The following APBA3 variants were observed in gnomAD, a reference collection of about 807,000 sequenced individuals.
The protein encoded by APBA3 is amyloid-beta A4 precursor protein-binding family A member 3.
Under a neutral mutation model 55.9 loss-of-function variants are expected in APBA3, and 45 were observed. The observed-to-expected ratio is 0.80, with a 90% CI of 0.63 to 1.03. The LOEUF (loss-of-function observed/expected upper bound fraction) is 1.03. Ranked by LOEUF, APBA3 falls within the 50% of genes least tolerant of loss-of-function variation. The pLI, the probability that APBA3 is intolerant of heterozygous loss-of-function variation, is 0.00. For missense variants in APBA3, 865 were observed against 820.3 expected (o/e 1.05, Z -0.67); for synonymous variants, 370 against 353.3 (o/e 1.05, Z -0.53).
intron 3 of APBA3, 118 bp from the exon 4 acceptor site, chr19:3,754,458 T>C: frequency 7.3e-7 from 1 of 1,364,098 alleles, no homozygotes; most frequent in Admixed American, 2.9e-5. Flanking sequence ...GGCTTAGCAC[T>C]CTCCAGCCAG....
At position 3,752,682 on chromosome 19, in the gene APBA3, C is replaced by T. The variant is rs781619410; in HGVS notation, c.1221G>A (p.Val407=). 1.3e-4 allele frequency: 211 copies of T among 1,593,538 alleles called. No homozygotes were observed. The highest frequency in any genetic ancestry group is 1.7e-4 in the Non-Finnish European group (201 of 1,175,130). ...LEKRRGEGLG[V]ALVESGWGSL... Reference sequence around the variant, plus strand: ...AGCCCCAGCCCGACTCCACCAGGGCCACGCCCAGGCCCTCCCCTCGCCGCT... The same window carrying T: ...AGCCCCAGCCCGACTCCACCAGGGCTACGCCCAGGCCCTCCCCTCGCCGCT... The change falls in exon 8 of 11, where the codon GTG becomes GTA. Residue 407 remains valine (V), a synonymous_variant. Coordinates refer to ENST00000316757, the MANE Select transcript of APBA3 (RefSeq NM_004886.4).
In APBA3 at chr19:3,751,068, T is replaced by C. The variant is rs141021235; in HGVS notation, c.1686A>G (p.Thr562=). 2 of 1,567,300 alleles carry C rather than the reference T, an allele frequency of 1.3e-6. No homozygotes were observed. The highest frequency in any genetic ancestry group is 1.7e-6 in the Non-Finnish European group (2 of 1,155,698). ...GCTCCTGGCCTGTAAGGAGGCGATA[T>C]GTGGCAGCTGGCATCGTCTTGATAT... ...EVHIKTMPAA[T]YRLLTGQEQP... is the part of the protein sequence containing the mutation. The change falls in exon 11 of 11, where the codon ACA becomes ACG. Residue 562 remains threonine, a synonymous_variant. Transcript: ENST00000316757.
rs1386141435 is a variant in APBA3, at chr19:3,751,387, A to C, written c.1515+47T>G. ...TGGGGGCTGCTCAGGGGCCGTGCTCAGGGCCGCCCTACCCCCCCACCCCGG... is the reference window on the plus strand; with the variant it reads ...TGGGGGCTGCTCAGGGGCCGTGCTCCGGGCCGCCCTACCCCCCCACCCCGG... On this transcript the variant is annotated intron_variant, in intron 9 of 10. Transcript: ENST00000316757. The C allele has an allele frequency of 3.3e-6, 5 of 1,513,588 alleles. No individual in the cohort carries two copies. The African/African-American group carries it at 6.9e-5, about 21-fold the overall frequency. The allele number at this position is 1,513,588 out of a possible 1,614,324, so 93.8% of individuals were successfully genotyped here. A position where few individuals can be genotyped will look rare whatever the true frequency, so the allele number is the denominator to read the frequency against.
intron 3 of APBA3, among the ~76,000 whole-genome samples, chr19:3,758,496 C>T (rs1599176462): frequency 6.6e-6 from 1 of 151,168 alleles, no homozygotes; most frequent in Non-Finnish European, 1.5e-5. Flanking sequence ...CCGGCTCAAG[C>T]GATCCTCCTG....
In APBA3 at chr19:3,753,385, G is replaced by C. The variant is rs79486145; in HGVS notation, c.1011+380C>G. 6.4e-3 allele frequency: 2,312 copies of C among 359,288 alleles called. 58 individuals are homozygous for C. The highest frequency in any genetic ancestry group is 0.044 in the African/African-American group (2,106 of 48,208). The allele number at this position is 359,288 out of a possible 1,614,324, so 22.3% of individuals were successfully genotyped here. On this transcript the variant is annotated intron_variant, in intron 6 of 10. Coordinates refer to ENST00000316757, the MANE Select transcript of APBA3 (RefSeq NM_004886.4). ...AGGCTGGACGCGGTGGCTCACGCCT[G>C]TAATTGCAGCACTTTGGGAGGCTGA... is the stretch of plus-strand genomic sequence containing the variant.
Position 3,750,970 on chromosome 19 carries a change from A to T in APBA3, c.*56T>A. ...CCTGGCCAGCCAGGGCAGGCCCAGG[A>T]TGGGGCTCCGGGGCCATGGAGGCGA... On this transcript the variant is annotated 3_prime_UTR_variant, in exon 11 of 11. Coordinates refer to ENST00000316757, the MANE Select transcript of APBA3 (RefSeq NM_004886.4). 6.6e-7 allele frequency: 1 copy of T among 1,524,904 alleles called. No homozygotes were observed. The highest frequency in any genetic ancestry group is 8.9e-7 in the Non-Finnish European group (1 of 1,122,620). 94.5% of individuals were successfully genotyped at this position (1,524,904 alleles called of 1,614,324 possible).
In APBA3 at chr19:3,751,278, C is replaced by A; in HGVS notation, c.1567G>T (p.Gly523Cys). The change falls in exon 10 of 11, where the codon GGC (glycine) becomes TGC (cysteine). Residue 523 changes from glycine to cysteine, a missense_variant. Coordinates refer to ENST00000316757, the MANE Select transcript of APBA3 (RefSeq NM_004886.4). ...CCATTGATCTCAATGATGCGGTGGC[C>A]GACGCGGATGCCCCCACGCTCGGCG... Reference protein sequence around the residue: ...GIAERGGIRVGHRIIEINGQS... With the variant: ...GIAERGGIRVCHRIIEINGQS... 1 of 1,542,734 alleles carries A rather than the reference C, an allele frequency of 6.5e-7. No individual in the cohort carries two copies. The highest frequency in any genetic ancestry group is 8.7e-7 in the Non-Finnish European group (1 of 1,147,006).
In APBA3 at chr19:3,752,731, C is replaced by T. The variant is rs1005496042; in HGVS notation, c.1183-11G>A. ...CTTCTCGAGGTGCACCTGGGACACA[C>T]AGGGGGCGCGGAGGCTGCTCAGCAG... On this transcript the variant is annotated splice_polypyrimidine_tract_variant and intron_variant, in intron 7 of 10. Coordinates refer to ENST00000316757, the MANE Select transcript of APBA3 (RefSeq NM_004886.4). The T allele has an allele frequency of 2.5e-6, 4 of 1,604,116 alleles. No homozygotes were observed. The African/African-American group carries it at 4.0e-5, about 16-fold the overall frequency.
chr19:3,754,369 C>A, intron 3 of APBA3, 29 bp from the exon 4 acceptor site: 2 of 1,540,304 alleles, frequency 1.3e-6, no homozygotes, highest in African/African-American at 1.4e-5. Flanking sequence ...AGGGTCGGCC[C>A]CCAGGGGCCC....
At chr19:3,754,423 C>T (rs1027502938) in intron 3 of APBA3, 83 bp from the exon 4 acceptor site, 15 of 1,492,124 alleles carry the variant, frequency 1.0e-5, no homozygotes, top group East Asian at 9.9e-5. Flanking sequence ...CCGAGATGGC[C>T]GGGAGACACA....
rs1360096932 is a variant in APBA3 at position 3,752,701 on chromosome 19, C to T, written c.1202G>A (p.Arg401Gln). ...NCREVHLEKR[R>Q]GEGLGVALVE... ...CAGGGCCACGCCCAGGCCCTCCCCT[C>T]GCCGCTTCTCGAGGTGCACCTGGGA... The change falls in exon 8 of 11, where the codon CGA becomes CAA. Residue 401 changes from arginine (R) to glutamine (Q), a missense_variant. By Grantham distance (43) the Arg-to-Gln change is conservative. Coordinates refer to ENST00000316757, the MANE Select transcript of APBA3 (RefSeq NM_004886.4). 4 of 1,595,792 alleles carry T rather than the reference C, an allele frequency of 2.5e-6. No individual in the cohort carries two copies. The highest frequency in any genetic ancestry group is 3.4e-6 in the Non-Finnish European group (4 of 1,175,514).
chr19:3,758,278 G>A (rs1241287735), intron 3 of APBA3, among the ~76,000 whole-genome samples: 1 of 151,872 alleles, frequency 6.6e-6, no homozygotes, highest in Non-Finnish European at 1.5e-5. Flanking sequence ...TTTTGAGACA[G>A]AGTCTCGCTC....
rs766118737 is a variant in APBA3, at chr19:3,760,069, C to G, written c.196G>C (p.Ala66Pro). ...SLQELVQQFE[A>P]LPGDLVGPSP... ...GGGCCCACCAGATCGCCTGGCAGAG[C>G]TTCAAACTGCTGCACCAGCTCCTGA... The change falls in exon 2 of 11, where the codon GCT becomes CCT. Residue 66 changes from alanine to proline, a missense_variant. Ala to Pro is a conservative substitution (Grantham distance 27). Coordinates refer to ENST00000316757, the MANE Select transcript of APBA3 (RefSeq NM_004886.4). 2 of 1,613,224 alleles carry G rather than the reference C, an allele frequency of 1.2e-6. No homozygotes were observed. Among genetic ancestry groups the G allele is most frequent in the Non-Finnish European group, 1.7e-6 (2 of 1,180,040 alleles).
In APBA3 at chr19:3,760,249, T is replaced by C; in HGVS notation, c.16A>G (p.Ile6Val). 1.2e-6 allele frequency: 2 copies of C among 1,601,452 alleles called. No individual in the cohort carries two copies. Among genetic ancestry groups the C allele is most frequent in the Non-Finnish European group, 1.7e-6 (2 of 1,178,632 alleles). ...GGAGGCCCCGAAGGGGATCGGGAAA[T>C]TGTGGGGAAGTCCATGCCTGGACTC... MDFPT[I>V]SRSPSGPPAM... The change falls in exon 2 of 11, where the codon ATT becomes GTT. Residue 6 changes from isoleucine to valine, a missense_variant. Physicochemically the swap from Ile to Val is conservative, Grantham distance 29 (BLOSUM62 3). Transcript: ENST00000316757.
At chr19:3,751,120 G>A (rs2036992655) in intron 10 of APBA3, 23 bp from the exon 11 acceptor site, 1 of 1,563,122 alleles carries the variant, frequency 6.4e-7, no homozygotes, top group East Asian at 2.4e-5. Context: ...GGCGGAACGG[G>A]GCTCAGGGCA....
intron 3 of APBA3, among the ~76,000 whole-genome samples, chr19:3,758,291 T>C (rs1025062722): frequency 1.3e-5 from 2 of 151,660 alleles, no homozygotes; most frequent in East Asian, 2.0e-4. Flanking sequence ...TCTCGCTCTG[T>C]TGCCTAGGCT....
intron 5 of APBA3, 42 bp from the exon 6 acceptor site, chr19:3,753,968 C>T (rs962160196): frequency 6.4e-7 from 1 of 1,571,170 alleles, no homozygotes; most frequent in Middle Eastern, 1.7e-4. Context: ...GGGGGCCGTG[C>T]CAGGCTCGAT....
At chr19:3,757,594 C>T (rs144276508) in intron 3 of APBA3, among the ~76,000 whole-genome samples, 20 of 152,152 alleles carry the variant, frequency 1.3e-4, no homozygotes, top group African/African-American at 4.3e-4. Flanking sequence ...TAGCTGGGCA[C>T]GGTGGCGGAC....
intron 1 of APBA3, 146 bp from the exon 2 acceptor site, chr19:3,760,447 CA>C: frequency 1.7e-6 from 1 of 576,858 alleles, no homozygotes; most frequent in Non-Finnish European, 3.0e-6. Flanking sequence ...CCTCTCTCTA[CA>C]AAAAATACAA....
Sources: allele counts gnomAD v4.1 joint callset (sites outside exome capture counted in the v4.1 genomes callset), GRCh38; gene constraint gnomAD v4.1.1; transcripts MANE v1.5; gene names NCBI Gene and HGNC (gene_info 2026-07-23, HGNC 2026-07-21).